SLC14A2: variants seen among roughly 807,000 people sequenced by gnomAD.
SLC14A2 encodes urea transporter 2.
In SLC14A2, 91 loss-of-function variants were observed where a neutral mutation model predicts 104.6. The observed-to-expected ratio is 0.87, with a 90% confidence interval of 0.73 to 1.04. SLC14A2 has a LOEUF of 1.04. Ranked by LOEUF, SLC14A2 falls within the 50% of genes least tolerant of loss-of-function variation. The pLI, the probability that SLC14A2 is intolerant of heterozygous loss-of-function variation, is 0.00. For missense variants in SLC14A2, 1,189 were observed against 1,156.0 expected (o/e 1.03, Z -0.41); for synonymous variants, 476 against 466.4 (o/e 1.02, Z -0.27).
At chr18:45,296,652 G>GCCTA (rs2084920217) in intron 1 of SLC14A2, among the ~76,000 whole-genome samples, 1 of 152,142 alleles carries the variant, frequency 6.6e-6, no homozygotes, top group Admixed American at 6.5e-5. Context: ...TCCCCTGCTA[G>GCCTA]GCACCCCAGA....
At chr18:45,376,233 A>G (rs1408282262) in intron 1 of SLC14A2, among the ~76,000 whole-genome samples, 2 of 152,108 alleles carry the variant, frequency 1.3e-5, no homozygotes, top group Non-Finnish European at 2.9e-5. Context: ...ACTTTGCACA[A>G]TTTGTATTTT....
chr18:45,236,294 CAT>C (rs1417616545), intron 1 of SLC14A2, among the ~76,000 whole-genome samples: 1 of 25,906 alleles, frequency 3.9e-5, no homozygotes, highest in Non-Finnish European at 6.5e-5. Flanking sequence ...TGTATATATA[CAT>C]GTATGTGTGT....
At chr18:45,179,511 C>T in the SLC14A2 span, among the ~76,000 whole-genome samples, 1 of 152,168 alleles carries the variant, frequency 6.6e-6, no homozygotes, top group African/African-American at 2.4e-5. Flanking sequence ...AAAAGTTATT[C>T]TGTGAATAAT....
Position 45,486,480 on chromosome 18 carries a change from C to CA in SLC14A2, c.-35+3159dup, listed in dbSNP as rs1342879161. On this transcript the variant is annotated intron_variant, in intron 2 of 20. Coordinates refer to the SLC14A2 transcript ENST00000586448. Reference sequence around the variant, plus strand: ...TAAAAGCATGGTAACTACCATTTTTCACAAATTATTTTCAGCATAACCAAA... The same window carrying CA: ...TAAAAGCATGGTAACTACCATTTTTCAACAAATTATTTTCAGCATAACCAAA... Among the ~76,000 whole-genome samples, 3 of 152,176 alleles carry CA rather than the reference C, an allele frequency of 2.0e-5. No homozygotes were observed. The East Asian group carries it at 5.8e-4, about 29-fold the overall frequency.
intron 1 of SLC14A2, among the ~76,000 whole-genome samples, chr18:45,448,065 A>G (rs1427543860): frequency 1.3e-5 from 2 of 152,258 alleles, no homozygotes; most frequent in Non-Finnish European, 2.9e-5. Flanking sequence ...ATCCATGATC[A>G]TTGCTGTGTT....
intron 2 of SLC14A2, among the ~76,000 whole-genome samples, chr18:45,533,159 C>CT (rs1354217104): frequency 6.6e-6 from 1 of 152,110 alleles, no homozygotes; most frequent in African/African-American, 2.4e-5. Flanking sequence ...CTAAAATTCT[C>CT]TTTTTTGGTT....
At chr18:45,554,201 T>TG (rs1269866410) in intron 2 of SLC14A2, among the ~76,000 whole-genome samples, 2 of 152,128 alleles carry the variant, frequency 1.3e-5, no homozygotes, top group East Asian at 3.9e-4. Flanking sequence ...TGAGACAATG[T>TG]GTCACAGTCC....
intron 1 of SLC14A2, among the ~76,000 whole-genome samples, chr18:45,316,759 G>A (rs2085133387): frequency 6.6e-6 from 1 of 152,120 alleles, no homozygotes; most frequent in South Asian, 2.1e-4. Flanking sequence ...TCCATGGACA[G>A]AACTACCCTT....
intron 1 of SLC14A2, among the ~76,000 whole-genome samples, chr18:45,346,711 T>G (rs1380631825): frequency 6.6e-6 from 1 of 152,062 alleles, no homozygotes; most frequent in Admixed American, 6.6e-5. Context: ...GTGGATCACA[T>G]GAGGTCACGA....
At chr18:45,178,799 C>G in the SLC14A2 span, among the ~76,000 whole-genome samples, 2 of 152,128 alleles carry the variant, frequency 1.3e-5, no homozygotes, top group African/African-American at 2.4e-5. Flanking sequence ...CTTCAACTTA[C>G]ACATGAGAAA....
chr18:45,519,871 A>G (rs1217727388), intron 2 of SLC14A2, among the ~76,000 whole-genome samples: 3 of 152,186 alleles, frequency 2.0e-5, no homozygotes, highest in Non-Finnish European at 4.4e-5. Flanking sequence ...GGAAACCAGA[A>G]TCAGATGGGA....
At chr18:45,181,033 A>G in the SLC14A2 span, 1 of 152,224 alleles carries the variant, frequency 6.6e-6, no homozygotes, top group Non-Finnish European at 1.5e-5. Flanking sequence ...GCCTGGCTGT[A>G]CTCTGCTCTC....
At chr18:45,622,413 T>C (rs775310940) in intron 1 of SLC14A2, among the ~76,000 whole-genome samples, 2 of 152,282 alleles carry the variant, frequency 1.3e-5, no homozygotes, top group South Asian at 2.1e-4. Flanking sequence ...GAAGGCAACA[T>C]GATGAGTTGT....
chr18:45,423,356 G>C (rs1397958329), intron 1 of SLC14A2, among the ~76,000 whole-genome samples: 1 of 152,244 alleles, frequency 6.6e-6, no homozygotes, highest in Non-Finnish European at 1.5e-5. Flanking sequence ...GCGACAGTTT[G>C]ACAGCGAGTT....
At chr18:45,283,747 T>C (rs1162024268) in intron 1 of SLC14A2, among the ~76,000 whole-genome samples, 1 of 152,194 alleles carries the variant, frequency 6.6e-6, no homozygotes, top group African/African-American at 2.4e-5. Context: ...GTCTTTTTTT[T>C]AGATATAGAG....
intron 1 of SLC14A2, among the ~76,000 whole-genome samples, chr18:45,311,390 C>T (rs2085077351): frequency 6.6e-6 from 1 of 152,184 alleles, no homozygotes; most frequent in South Asian, 2.1e-4. Flanking sequence ...CCTATCCACA[C>T]TTATAGAGGA....
chr18:45,309,982 AT>A (rs34459977), intron 1 of SLC14A2, among the ~76,000 whole-genome samples: 20 of 149,730 alleles, frequency 1.3e-4, no homozygotes, highest in African/African-American at 2.9e-4. Context: ...AGGTATCCTG[AT>A]TTTTTTTTTC....
intron 1 of SLC14A2, among the ~76,000 whole-genome samples, chr18:45,249,367 A>C (rs1404195171): frequency 6.6e-6 from 1 of 151,664 alleles, no homozygotes; most frequent in Non-Finnish European, 1.5e-5. Context: ...TGTGTGCTGA[A>C]CATGCGTTGA....
chr18:45,330,432 G>T (rs2144258912), intron 1 of SLC14A2, among the ~76,000 whole-genome samples: 1 of 152,312 alleles, frequency 6.6e-6, no homozygotes, highest in Non-Finnish European at 1.5e-5. Context: ...CTGATGGGAG[G>T]CTGGGAAAAC....
Sources: allele counts gnomAD v4.1 joint callset (sites outside exome capture counted in the v4.1 genomes callset), GRCh38; gene constraint gnomAD v4.1.1; transcripts MANE v1.5; gene names NCBI Gene and HGNC (gene_info 2026-07-23, HGNC 2026-07-21).